Variants in CSMD1 observed in about 807,000 individuals in gnomAD.
The protein encoded by CSMD1 is CUB and Sushi multiple domains 1.
A neutral mutation model predicts 417.5 loss-of-function variants in CSMD1; 213 were observed. The ratio of observed to expected loss-of-function variants is 0.51; its 90% CI spans 0.46 to 0.57. CSMD1 has a LOEUF of 0.57. Ranked by LOEUF, CSMD1 falls within the 20% of genes least tolerant of loss-of-function variation. CSMD1 has a pLI of 0.00. For missense variants in CSMD1, 6,923 were observed against 4,529.7 expected (o/e 1.53, Z -15.17); for synonymous variants, 2,862 against 1,736.8 (o/e 1.65, Z -16.11).
intron 3 of CSMD1, among the ~76,000 whole-genome samples, chr8:4,053,757 A>T (rs1283241276): frequency 6.6e-6 from 1 of 152,138 alleles, no homozygotes. Context: ...TCTGGATATG[A>T]TGGCATTTGG....
chr8:4,932,258 T>A (rs7828508), intron 1 of CSMD1, among the ~76,000 whole-genome samples: 14 of 144,090 alleles, frequency 9.7e-5, no homozygotes, highest in African/African-American at 3.2e-4. Context: ...TCTCTGGTTT[T>A]AAAAAAAAGT....
chr8:4,051,428 G>A (rs1269728801), intron 3 of CSMD1, among the ~76,000 whole-genome samples: 3 of 152,068 alleles, frequency 2.0e-5, no homozygotes, highest in Non-Finnish European at 2.9e-5. Flanking sequence ...AGACCGCAAG[G>A]TTGAAAACGC....
chr8:4,645,444 CAAAAAAAA>C lies in CSMD1; in HGVS notation c.86-7894_86-7887del, dbSNP rs549511320. 1.4e-4 allele frequency among the ~76,000 whole-genome samples: 5 copies of C among 36,852 alleles called. No individual in the cohort carries two copies. The Admixed American group carries it at 2.7e-3, about 20-fold the overall frequency. 24.2% of individuals were successfully genotyped at this position (36,852 alleles called of 152,430 possible). ...CAAGACAGCAGGTGTAGTGCAGGGG[CAAAAAAAA>C]AAAAAAAAAAAAAAAGGCAAGCAAA... On this transcript the variant is annotated intron_variant, in intron 1 of 69. Transcript: ENST00000635120.
chr8:3,955,086 C>G (rs1811851168), intron 5 of CSMD1, among the ~76,000 whole-genome samples: 1 of 152,224 alleles, frequency 6.6e-6, no homozygotes, highest in Non-Finnish European at 1.5e-5. Context: ...CCTGACATTT[C>G]TAGTGGGTGC....
chr8:4,612,268 A>G (rs1324012749), intron 2 of CSMD1, among the ~76,000 whole-genome samples: 1 of 152,204 alleles, frequency 6.6e-6, no homozygotes, highest in East Asian at 1.9e-4. Flanking sequence ...AAATAAATGA[A>G]GAGATCCCAA....
rs1031605356 is a variant in CSMD1, at chr8:4,061,069, AATTTG to A, written c.416-28975_416-28971del. Among the ~76,000 whole-genome samples the A allele has an allele frequency of 0.01, 54 of 5,150 alleles. No individual in the cohort carries two copies. The Middle Eastern group carries it at 0.5, about 48-fold the overall frequency. The allele number at this position is 5,150 out of a possible 152,430, so 3.4% of individuals were successfully genotyped here. On this transcript the variant is annotated intron_variant, in intron 3 of 69. Transcript: ENST00000635120. ...GATGTACAAAATGCCATCTACATTTAATTTGTTTGTTGTATTATTTTTGTTGATAT... is the reference window on the plus strand; with the variant it reads ...GATGTACAAAATGCCATCTACATTTATTTGTTGTATTATTTTTGTTGATAT...
intron 5 of CSMD1, among the ~76,000 whole-genome samples, chr8:3,935,560 G>T (rs1054305244): frequency 1.3e-5 from 2 of 152,126 alleles, no homozygotes; most frequent in Non-Finnish European, 2.9e-5. Context: ...CTAGGTATAT[G>T]ATTGTACTTG....
chr8:4,937,783 T>TGC (rs1807722264), intron 1 of CSMD1, among the ~76,000 whole-genome samples: 1 of 141,240 alleles, frequency 7.1e-6, no homozygotes, highest in Non-Finnish European at 1.6e-5. Context: ...CAGTGGCGCG[T>TGC]GCACACACAC....
intron 12 of CSMD1, among the ~76,000 whole-genome samples, chr8:3,455,952 G>C (rs2117128284): frequency 1.3e-5 from 2 of 152,290 alleles, no homozygotes. Flanking sequence ...GCTGAGGTGG[G>C]CTCCACCCAG....
At chr8:3,658,523 C>A (rs2449212) in intron 7 of CSMD1, among the ~76,000 whole-genome samples, 5 of 149,646 alleles carry the variant, frequency 3.3e-5, no homozygotes, top group Admixed American at 2.0e-4. Context: ...TGTCTCATGC[C>A]TGTAATCCCA....
chr8:4,302,950 G>A (rs1411996106), intron 3 of CSMD1, among the ~76,000 whole-genome samples: 1 of 151,932 alleles, frequency 6.6e-6, no homozygotes, highest in Non-Finnish European at 1.5e-5. Context: ...TTCCCTTTAT[G>A]CATGAAACTG....
intron 37 of CSMD1, among the ~76,000 whole-genome samples, chr8:3,165,705 G>C (rs1046854726): frequency 6.6e-6 from 1 of 152,040 alleles, no homozygotes; most frequent in Non-Finnish European, 1.5e-5. Flanking sequence ...AGTGCTGGGA[G>C]AACGGTGGTT....
At chr8:3,571,898 C>T (rs188591030) in intron 10 of CSMD1, among the ~76,000 whole-genome samples, 15 of 152,272 alleles carry the variant, frequency 9.9e-5, no homozygotes, top group African/African-American at 1.4e-4. Context: ...TACTTCCGTC[C>T]TCTCCACCGA....
intron 3 of CSMD1, among the ~76,000 whole-genome samples, chr8:4,287,891 A>T (rs1448057111): frequency 6.6e-6 from 1 of 152,070 alleles, no homozygotes; most frequent in Non-Finnish European, 1.5e-5. Flanking sequence ...AGGACATCCC[A>T]GGTTGCTCTT....
chr8:3,028,362 A>T (rs1307048089), intron 51 of CSMD1, among the ~76,000 whole-genome samples: 1 of 152,182 alleles, frequency 6.6e-6, no homozygotes, highest in Admixed American at 6.5e-5. Context: ...GGTGTGACAA[A>T]GAGGAACGGC....
At chr8:3,838,320 G>C (rs1802837352) in intron 5 of CSMD1, among the ~76,000 whole-genome samples, 2 of 151,912 alleles carry the variant, frequency 1.3e-5, no homozygotes, top group South Asian at 2.1e-4. Context: ...AGGATTGCTT[G>C]AGTCCAGTAG....
At chr8:4,909,620 G>T (rs765905006) in intron 1 of CSMD1, among the ~76,000 whole-genome samples, 1 of 152,114 alleles carries the variant, frequency 6.6e-6, no homozygotes, top group Non-Finnish European at 1.5e-5. Context: ...CACTTCATGG[G>T]GTTCCTAGAA....
At chr8:4,421,491 G>A (rs1173475863) in intron 2 of CSMD1, among the ~76,000 whole-genome samples, 1 of 152,020 alleles carries the variant, frequency 6.6e-6, no homozygotes, top group Non-Finnish European at 1.5e-5. Flanking sequence ...TGTGTTCTCT[G>A]ACCACACAGT....
At chr8:4,002,166 T>C (rs17068507) in intron 4 of CSMD1, among the ~76,000 whole-genome samples, 18,792 of 152,052 alleles carry the variant, frequency 0.12, 1,264 homozygotes, top group East Asian at 0.2. Context: ...AGAAAATCTT[T>C]AGCACAGAAT....
Sources: gnomAD v4.1 joint callset for allele counts (sites outside exome capture counted in the v4.1 genomes callset) on GRCh38, gnomAD v4.1.1 for gene constraint, MANE v1.5 for transcripts, NCBI Gene and HGNC (gene_info 2026-07-23, HGNC 2026-07-21) for gene names.